Variants in FHIT observed in about 807,000 individuals in gnomAD.
FHIT encodes the protein fragile histidine triad diadenosine triphosphatase, also known as bis(5'-adenosyl)-triphosphatase.
A neutral mutation model predicts 17.9 loss-of-function variants in FHIT; 19 were observed. That is an observed-to-expected ratio of 1.06 (90% CI 0.74 to 1.56). The LOEUF (loss-of-function observed/expected upper bound fraction) is 1.56, where lower values mean the gene tolerates loss of function less well. Ranked by LOEUF, FHIT falls within the 40% of genes most tolerant of loss-of-function variation. The pLI, the probability that FHIT is intolerant of heterozygous loss-of-function variation, is 0.00. For synonymous variants in FHIT, 81 were observed against 69.7 expected, an observed-to-expected ratio of 1.16 and a Z score of -0.81; for missense variants, 248 against 189.2, an observed-to-expected ratio of 1.31 and a Z score of -1.82.
At chr3:61,107,510 A>G (rs774792897) in intron 2 of FHIT, among the ~76,000 whole-genome samples, 7 of 152,192 alleles carry the variant, frequency 4.6e-5, no homozygotes, top group Non-Finnish European at 8.8e-5. Flanking sequence ...CTGGAATCAT[A>G]TGGTGGTTCT....
chr3:59,807,292 T>C (rs1700241170), intron 8 of FHIT, among the ~76,000 whole-genome samples: 1 of 152,148 alleles, frequency 6.6e-6, no homozygotes, highest in African/African-American at 2.4e-5. Context: ...GTGCGGAAGA[T>C]CTAGCTTAAC....
chr3:60,996,225 T>C (rs936439597), intron 3 of FHIT, among the ~76,000 whole-genome samples: 4 of 152,214 alleles, frequency 2.6e-5, no homozygotes, highest in African/African-American at 9.6e-5. Context: ...TGTGACGAGA[T>C]GGTGGGAGGT....
At chr3:59,821,703 G>C (rs1437074377) in intron 8 of FHIT, among the ~76,000 whole-genome samples, 3 of 152,008 alleles carry the variant, frequency 2.0e-5, no homozygotes, top group Non-Finnish European at 2.9e-5. Context: ...AAAGCATCTA[G>C]TGCCAAGATT....
At chr3:60,537,345 G>A (rs946704986) in intron 4 of FHIT, 16 of 371,766 alleles carry the variant, frequency 4.3e-5, no homozygotes, top group Non-Finnish European at 5.6e-5. Context: ...TGTCTGCTAA[G>A]CTGAAAATTT....
chr3:60,563,321 T>G (rs922686121), intron 4 of FHIT, among the ~76,000 whole-genome samples: 1 of 152,220 alleles, frequency 6.6e-6, no homozygotes, highest in Non-Finnish European at 1.5e-5. Flanking sequence ...AACCAGTCAG[T>G]GCAGGCATAC....
At chr3:60,910,133 T>C (rs1488072230) in intron 3 of FHIT, among the ~76,000 whole-genome samples, 2 of 152,102 alleles carry the variant, frequency 1.3e-5, no homozygotes, top group Non-Finnish European at 2.9e-5. Flanking sequence ...GTGCCCCATC[T>C]CTCCGCCAGA....
intron 4 of FHIT, among the ~76,000 whole-genome samples, chr3:60,555,803 C>G (rs372691823): frequency 1.3e-5 from 2 of 152,276 alleles, no homozygotes; most frequent in South Asian, 2.1e-4. Flanking sequence ...AGACTGAGAC[C>G]GGCACCTGAA....
chr3:60,260,076 A>G (rs2107607905), intron 5 of FHIT, among the ~76,000 whole-genome samples: 2 of 152,246 alleles, frequency 1.3e-5, no homozygotes, highest in East Asian at 3.9e-4. Context: ...CTTTAAGGCA[A>G]TATTTAAACG....
At chr3:60,162,325 C>A (rs951587598) in intron 5 of FHIT, among the ~76,000 whole-genome samples, 21 of 152,114 alleles carry the variant, frequency 1.4e-4, no homozygotes, top group Admixed American at 3.9e-4. Context: ...TCTATAGTCA[C>A]CTGCCTATTT....
chr3:61,154,006 G>C (rs1202490616), intron 2 of FHIT, among the ~76,000 whole-genome samples: 1 of 152,188 alleles, frequency 6.6e-6, no homozygotes, highest in Non-Finnish European at 1.5e-5. Context: ...TCCTCAAGAT[G>C]AATACATTCT....
chr3:60,722,713 T>TA (rs1224746070), intron 4 of FHIT, among the ~76,000 whole-genome samples: 4 of 147,596 alleles, frequency 2.7e-5, no homozygotes, highest in African/African-American at 1.0e-4. Flanking sequence ...AAATCTTTTT[T>TA]TTTTTTTTTT....
chr3:59,941,690 T>C (rs1706527827), intron 7 of FHIT, among the ~76,000 whole-genome samples: 2 of 152,074 alleles, frequency 1.3e-5, no homozygotes, highest in Non-Finnish European at 2.9e-5. Flanking sequence ...TACTAAGATG[T>C]CATGAGGCCC....
At chr3:60,638,225 G>T (rs942184504) in intron 4 of FHIT, among the ~76,000 whole-genome samples, 1 of 152,104 alleles carries the variant, frequency 6.6e-6, no homozygotes, top group Non-Finnish European at 1.5e-5. Flanking sequence ...GTAACAACAC[G>T]ACATGGAGGG....
chr3:61,058,989 T>A (rs1189624837), intron 2 of FHIT, among the ~76,000 whole-genome samples: 2 of 152,182 alleles, frequency 1.3e-5, no homozygotes, highest in Non-Finnish European at 2.9e-5. Context: ...CAAGTGTCCT[T>A]CCTCTGTGTC....
intron 4 of FHIT, among the ~76,000 whole-genome samples, chr3:60,696,540 C>T (rs186383998): frequency 6.6e-6 from 1 of 152,164 alleles, no homozygotes; most frequent in Admixed American, 6.5e-5. Context: ...GATGGTTGCT[C>T]TTCAAAGCAA....
chr3:59,957,606 G>T (rs544944513), intron 7 of FHIT, among the ~76,000 whole-genome samples: 2 of 152,322 alleles, frequency 1.3e-5, no homozygotes, highest in South Asian at 2.1e-4. Flanking sequence ...GATGATGAAT[G>T]TAATAACATC....
At chr3:60,420,549 G>A (rs1702428634) in intron 5 of FHIT, among the ~76,000 whole-genome samples, 1 of 151,988 alleles carries the variant, frequency 6.6e-6, no homozygotes, top group Non-Finnish European at 1.5e-5. Context: ...TAACAGCATT[G>A]GATGTCATAT....
chr3:61,157,200 C>T (rs375729341), intron 2 of FHIT, among the ~76,000 whole-genome samples: 2 of 151,972 alleles, frequency 1.3e-5, no homozygotes, highest in Admixed American at 1.3e-4. Context: ...TATATATATA[C>T]AGATTGTCTT....
At chr3:60,377,638 C>T (rs951625315) in intron 5 of FHIT, among the ~76,000 whole-genome samples, 8 of 148,058 alleles carry the variant, frequency 5.4e-5, no homozygotes, top group East Asian at 4.1e-4. Context: ...CCCGCCACCG[C>T]GCCCGGCTAA....
Sources: gnomAD v4.1 joint callset for allele counts (sites outside exome capture counted in the v4.1 genomes callset) on GRCh38, gnomAD v4.1.1 for gene constraint, MANE v1.5 for transcripts, NCBI Gene and HGNC (gene_info 2026-07-23, HGNC 2026-07-21) for gene names.